Variants in CCSER1 observed in about 807,000 individuals in gnomAD.
CCSER1 encodes the protein coiled-coil serine rich protein 1.
Under a neutral mutation model 82.0 loss-of-function variants are expected in CCSER1, and 41 were observed. The ratio of observed to expected loss-of-function variants is 0.50; its 90% CI spans 0.39 to 0.65. CCSER1 has a LOEUF of 0.65. CCSER1 is among the 30% of genes least tolerant of loss of function. CCSER1 has a pLI of 0.00. For missense variants in CCSER1, 1,119 were observed against 1,064.2 expected (o/e 1.05, Z -0.72); for synonymous variants, 414 against 383.9 (o/e 1.08, Z -0.92).
intron 10 of CCSER1, among the ~76,000 whole-genome samples, chr4:91,344,458 A>G (rs959659486): frequency 2.0e-5 from 3 of 152,230 alleles, no homozygotes; most frequent in African/African-American, 4.8e-5. Flanking sequence ...TGATATGGAA[A>G]GAAAAAGTAA....
intron 10 of CCSER1, among the ~76,000 whole-genome samples, chr4:91,321,978 A>AT (rs1335942256): frequency 6.6e-6 from 1 of 152,102 alleles, no homozygotes; most frequent in Admixed American, 6.6e-5. Context: ...GGAAATGTTG[A>AT]TTTTTACCAA....
intron 6 of CCSER1, among the ~76,000 whole-genome samples, chr4:90,697,181 A>ACC (rs1235439353): frequency 4.6e-5 from 7 of 152,288 alleles, no homozygotes; most frequent in Admixed American, 1.3e-4. Flanking sequence ...TACATTTTGA[A>ACC]AATACAGATT....
chr4:90,897,774 G>A (rs181490816), intron 8 of CCSER1, among the ~76,000 whole-genome samples: 86 of 152,048 alleles, frequency 5.7e-4, no homozygotes, highest in African/African-American at 1.9e-3. Context: ...TTCTCCATAT[G>A]TATACCAACA....
chr4:90,799,762 C>T (rs2149694761), intron 7 of CCSER1, among the ~76,000 whole-genome samples: 1 of 152,288 alleles, frequency 6.6e-6, no homozygotes, highest in South Asian at 2.1e-4. Flanking sequence ...TACACATGCT[C>T]CCACATAAAA....
intron 10 of CCSER1, among the ~76,000 whole-genome samples, chr4:91,165,742 G>A (rs536984184): frequency 1.6e-3 from 241 of 152,372 alleles, no homozygotes; most frequent in African/African-American, 5.2e-3. Flanking sequence ...CAAACCAGGC[G>A]TGGGATATAA....
chr4:90,452,302 G>A (rs1761562650), intron 4 of CCSER1, among the ~76,000 whole-genome samples: 2 of 152,208 alleles, frequency 1.3e-5, no homozygotes. Flanking sequence ...GAAGGTGGCT[G>A]AGTTTAGGGA....
intron 5 of CCSER1, among the ~76,000 whole-genome samples, chr4:90,473,108 A>G (rs1764617396): frequency 6.6e-6 from 1 of 152,222 alleles, no homozygotes. Context: ...ACATTTCTCA[A>G]GTCAGTTCTA....
At chr4:91,475,408 A>G (rs1757537993) in intron 10 of CCSER1, among the ~76,000 whole-genome samples, 1 of 151,862 alleles carries the variant, frequency 6.6e-6, no homozygotes, top group Non-Finnish European at 1.5e-5. Context: ...TTAATATTGG[A>G]GTCAACTAAG....
At chr4:90,400,490 C>A (rs559186969) in intron 4 of CCSER1, among the ~76,000 whole-genome samples, 1 of 151,918 alleles carries the variant, frequency 6.6e-6, no homozygotes, top group East Asian at 1.9e-4. Flanking sequence ...TTTTATATAA[C>A]CAAATGGAAG....
intron 8 of CCSER1, among the ~76,000 whole-genome samples, chr4:90,855,978 C>T (rs1380059185): frequency 6.6e-6 from 1 of 151,974 alleles, no homozygotes; most frequent in Admixed American, 6.6e-5. Context: ...TTAATATGAA[C>T]TAGGTTAGCA....
At chr4:90,242,344 AG>A (rs1747029064) in intron 1 of CCSER1, among the ~76,000 whole-genome samples, 1 of 152,152 alleles carries the variant, frequency 6.6e-6, no homozygotes, top group African/African-American at 2.4e-5. Flanking sequence ...GCATAAATGT[AG>A]TGGACCTAGG....
intron 9 of CCSER1, among the ~76,000 whole-genome samples, chr4:90,947,323 A>G: frequency 6.6e-6 from 1 of 152,210 alleles, no homozygotes; most frequent in East Asian, 1.9e-4. Flanking sequence ...GACACGAAAT[A>G]TCTTGGATTC....
intron 9 of CCSER1, among the ~76,000 whole-genome samples, chr4:90,971,845 A>G (rs754708044): frequency 1.3e-5 from 2 of 151,976 alleles, no homozygotes; most frequent in Non-Finnish European, 2.9e-5. Flanking sequence ...GGATGATTCA[A>G]TATATCAAAA....
chr4:90,832,789 G>A (rs1450773561), intron 8 of CCSER1, among the ~76,000 whole-genome samples: 1 of 152,104 alleles, frequency 6.6e-6, no homozygotes, highest in East Asian at 1.9e-4. Flanking sequence ...TTCTTAAAGA[G>A]AATATTATGG....
intron 3 of CCSER1, among the ~76,000 whole-genome samples, chr4:90,339,980 A>G (rs1431544836): frequency 1.3e-5 from 2 of 152,050 alleles, no homozygotes; most frequent in Non-Finnish European, 2.9e-5. Context: ...ATACATATTA[A>G]GCAAATAGAA....
chr4:90,484,090 C>T lies in CCSER1; in HGVS notation c.1724+15736C>T, dbSNP rs139676297. ...TTCGTTTCTTTTTATTCTTTTTTCTCTAAACTTCTCTTCACGCTTCATTTC... is the reference window on the plus strand; with the variant it reads ...TTCGTTTCTTTTTATTCTTTTTTCTTTAAACTTCTCTTCACGCTTCATTTC... On this transcript the variant is annotated intron_variant, in intron 5 of 10. Transcript: ENST00000509176. Among the ~76,000 whole-genome samples, 1,239 of 152,254 alleles carry T rather than the reference C, an allele frequency of 8.1e-3. 19 individuals carry two copies. Among genetic ancestry groups the T allele is most frequent in the African/African-American group, 0.028 (1,177 of 41,544 alleles).
intron 10 of CCSER1, among the ~76,000 whole-genome samples, chr4:91,584,147 A>T (rs762411530): frequency 5.9e-5 from 9 of 151,628 alleles, no homozygotes; most frequent in Middle Eastern, 3.4e-3. Flanking sequence ...AATAACTACT[A>T]AATGCCAGAA....
intron 6 of CCSER1, among the ~76,000 whole-genome samples, chr4:90,648,987 T>A (rs1172930458): frequency 6.6e-6 from 1 of 152,196 alleles, no homozygotes; most frequent in Admixed American, 6.5e-5. Flanking sequence ...TCTTACACAT[T>A]CATCTATGTG....
chr4:90,228,919 G>GA (rs1173077917), intron 1 of CCSER1, among the ~76,000 whole-genome samples: 1 of 152,270 alleles, frequency 6.6e-6, no homozygotes, highest in South Asian at 2.1e-4. Context: ...GAACTTTAGA[G>GA]AAAAAAGAAT....
Sources: allele counts gnomAD v4.1 joint callset (sites outside exome capture counted in the v4.1 genomes callset), GRCh38; gene constraint gnomAD v4.1.1; transcripts MANE v1.5; gene names NCBI Gene and HGNC (gene_info 2026-07-23, HGNC 2026-07-21).